WDR64: variants seen among roughly 807,000 people sequenced by gnomAD.
WDR64 encodes WD repeat-containing protein 64.
WDR64 carries 112 observed loss-of-function variants against 139.3 expected under a neutral mutation model. The observed-to-expected ratio is 0.80, with a 90% CI of 0.69 to 0.94. WDR64 has a LOEUF of 0.94. Among genes scored for constraint, WDR64 ranks in the 40% least tolerant of loss-of-function variants. The pLI is 0.00. For synonymous variants in WDR64, 444 were observed against 437.7 expected (o/e 1.01, Z -0.18); for missense variants, 1,206 against 1,293.1 (o/e 0.93, Z 1.03).
At chr1:241,720,058 G>A (rs1440090211) in intron 9 of WDR64, among the ~76,000 whole-genome samples, 1 of 152,124 alleles carries the variant, frequency 6.6e-6, no homozygotes, top group Non-Finnish European at 1.5e-5. Flanking sequence ...ACAGTGTTTG[G>A]TTTTCTGTTC....
chr1:241,724,963 G>A (rs1355470933), intron 10 of WDR64, among the ~76,000 whole-genome samples: 1 of 152,056 alleles, frequency 6.6e-6, no homozygotes, highest in Non-Finnish European at 1.5e-5. Context: ...CCGAAGTGTG[G>A]TCAATCCCAT....
intron 14 of WDR64, among the ~76,000 whole-genome samples, chr1:241,751,166 G>A (rs1346161646): frequency 2.0e-5 from 3 of 152,064 alleles, no homozygotes; most frequent in African/African-American, 7.2e-5. Flanking sequence ...AATTTAATAA[G>A]GGGGCAGTGA....
chr1:241,802,075 T>C lies in WDR64; in HGVS notation c.*860T>C, dbSNP rs553550417. 1.1e-3 allele frequency: 452 copies of C among 397,872 alleles called. 2 individuals carry two copies. Among genetic ancestry groups the C allele is most frequent in the Non-Finnish European group, 1.7e-3 (393 of 225,748 alleles). The allele number at this position is 397,872 out of a possible 1,614,324, so 24.6% of individuals were successfully genotyped here. A position where few individuals can be genotyped will look rare whatever the true frequency, so the allele number is the denominator to read the frequency against. On this transcript the variant is annotated 3_prime_UTR_variant, in exon 28 of 28. Transcript: ENST00000437684. ...GCCATATTAATATTAAAATACACTT[T>C]AAGAAAATAAACAAGAATCTTTATA...
intron 8 of WDR64, among the ~76,000 whole-genome samples, chr1:241,708,297 A>G (rs1378665906): frequency 6.6e-6 from 1 of 152,250 alleles, no homozygotes; most frequent in African/African-American, 2.4e-5. Flanking sequence ...TTACAAATAA[A>G]TGTCAGTGGT....
chr1:241,655,689 T>A (rs2148048837), intron 1 of WDR64, among the ~76,000 whole-genome samples: 1 of 101,354 alleles, frequency 9.9e-6, no homozygotes, highest in East Asian at 3.0e-4. Context: ...CAATATGGAG[T>A]GCCTTTTTTT....
intron 20 of WDR64, among the ~76,000 whole-genome samples, chr1:241,774,728 T>C (rs2148306665): frequency 6.6e-6 from 1 of 152,150 alleles, no homozygotes; most frequent in East Asian, 1.9e-4. Flanking sequence ...AAAGAAAATA[T>C]GTCAATGCCT....
intron 15 of WDR64, among the ~76,000 whole-genome samples, chr1:241,760,093 A>G: frequency 6.6e-6 from 1 of 152,208 alleles, no homozygotes; most frequent in East Asian, 1.9e-4. Context: ...TTTGCATAGA[A>G]CACATGTTGT....
intron 9 of WDR64, 145 bp downstream of exon 9, chr1:241,712,026 G>A (rs1668191016): frequency 1.3e-6 from 1 of 778,124 alleles, no homozygotes; most frequent in South Asian, 1.8e-5. Context: ...CTGGCGTCTG[G>A]ATTTGATAAC....
At chr1:241,755,566 A>G (rs575843777) in intron 14 of WDR64, among the ~76,000 whole-genome samples, 5 of 152,256 alleles carry the variant, frequency 3.3e-5, no homozygotes, top group African/African-American at 1.2e-4. Context: ...TAGTTTAATT[A>G]GATCTTATTT....
At chr1:241,658,939 A>T (rs1008688557) in intron 1 of WDR64, among the ~76,000 whole-genome samples, 2 of 150,904 alleles carry the variant, frequency 1.3e-5, no homozygotes, top group Non-Finnish European at 2.9e-5. Context: ...CGTGTGCAGG[A>T]TGTGCAGGTC....
chr1:241,770,577 A>G (rs1277541497), intron 17 of WDR64, 44 bp from the exon 18 acceptor site: 1 of 1,503,248 alleles, frequency 6.7e-7, no homozygotes. Flanking sequence ...GTATGGTAGC[A>G]TATCTTAAAG....
chr1:241,658,901 C>CT (rs35261788), intron 1 of WDR64, among the ~76,000 whole-genome samples: 20 of 149,046 alleles, frequency 1.3e-4, no homozygotes, highest in African/African-American at 3.9e-4. Context: ...AACACAAGAT[C>CT]TTTTTTTTTT....
intron 21 of WDR64, among the ~76,000 whole-genome samples, chr1:241,777,679 A>C (rs1211390030): frequency 6.6e-6 from 1 of 152,108 alleles, no homozygotes; most frequent in Non-Finnish European, 1.5e-5. Flanking sequence ...CAGCCTCCCA[A>C]CATGCTGGGA....
At chr1:241,735,884 TG>T (rs1669304353) in intron 10 of WDR64, among the ~76,000 whole-genome samples, 1 of 150,602 alleles carries the variant, frequency 6.6e-6, no homozygotes, top group Non-Finnish European at 1.5e-5. Flanking sequence ...TGTGTGTGTG[TG>T]TGTGTCTATA....
chr1:241,699,688 G>A (rs1295115379), intron 8 of WDR64, among the ~76,000 whole-genome samples: 1 of 152,072 alleles, frequency 6.6e-6, no homozygotes. Context: ...GTAGCAGAGT[G>A]GATAAATAGA....
intron 10 of WDR64, among the ~76,000 whole-genome samples, chr1:241,734,894 A>AT (rs1055954837): frequency 2.6e-5 from 4 of 152,212 alleles, no homozygotes; most frequent in African/African-American, 9.6e-5. Context: ...AGTATACTCT[A>AT]TGATGTTCAC....
intron 6 of WDR64, among the ~76,000 whole-genome samples, chr1:241,682,746 G>A (rs1307901468): frequency 6.6e-6 from 1 of 152,144 alleles, no homozygotes; most frequent in Non-Finnish European, 1.5e-5. Context: ...CAGATCAAAT[G>A]TTACTTTCTC....
intron 9 of WDR64, among the ~76,000 whole-genome samples, chr1:241,722,739 G>A (rs970322381): frequency 2.0e-5 from 3 of 152,078 alleles, no homozygotes; most frequent in Admixed American, 2.0e-4. Context: ...TAAAAATTAT[G>A]CCCTTCTATG....
At chr1:241,682,487 T>A (rs963378661) in intron 6 of WDR64, among the ~76,000 whole-genome samples, 1 of 151,338 alleles carries the variant, frequency 6.6e-6, no homozygotes, top group Non-Finnish European at 1.5e-5. Flanking sequence ...TTGGTCTATG[T>A]GCCTATTTTT....
Sources: allele counts gnomAD v4.1 joint callset (sites outside exome capture counted in the v4.1 genomes callset), GRCh38; gene constraint gnomAD v4.1.1; transcripts MANE v1.5; gene names NCBI Gene and HGNC (gene_info 2026-07-23, HGNC 2026-07-21).